Variants in ZNF528 observed in about 807,000 individuals in gnomAD.
The protein encoded by ZNF528 is zinc finger protein 528.
ZNF528 carries 9 observed loss-of-function variants against 13.3 expected under a neutral mutation model. The observed-to-expected ratio is 0.67, with a 90% confidence interval of 0.41 to 1.18. The LOEUF is 1.18. ZNF528 is among the 50% of genes most tolerant of loss of function. The probability of loss-of-function intolerance (pLI) is 0.01; values close to 1 mark genes in which losing one functional copy is unlikely to be tolerated. For synonymous variants in ZNF528, 264 were observed against 254.3 expected (o/e 1.04, Z -0.36); for missense variants, 858 against 745.4 (o/e 1.15, Z -1.76).
At chr19:52,405,824 G>T in intron 4 of ZNF528, 83 bp from the exon 5 acceptor site, 1 of 1,563,250 alleles carries the variant, frequency 6.4e-7, no homozygotes, top group East Asian at 2.4e-5. Context: ...AGTGGAGTCA[G>T]TCCTTAACGA....
At position 52,416,758 on chromosome 19, in the gene ZNF528, T is replaced by C; in HGVS notation, c.*19T>C. The C allele has an allele frequency of 6.4e-7, 1 of 1,571,568 alleles. No homozygotes were observed. Among genetic ancestry groups the C allele is most frequent in the Non-Finnish European group, 8.7e-7 (1 of 1,155,498 alleles). ...TTCATGAGAGTCCCTACAAACTGTA[T>C]GGCAAAACCATCATCATGAGTTCTA... is the stretch of plus-strand genomic sequence containing the variant. On this transcript the variant is annotated 3_prime_UTR_variant, in exon 7 of 7. Coordinates refer to ENST00000360465, the MANE Select transcript of ZNF528 (RefSeq NM_032423.3).
In ZNF528 at chr19:52,415,057, C is replaced by T. The variant is rs192479713; in HGVS notation, c.272-67C>T. Reference sequence around the variant, plus strand: ...TGAGTCAGGTGAGGCAGAATCTAGACCCTCTGTCAGACACTAAAGATGCCA... The same window carrying T: ...TGAGTCAGGTGAGGCAGAATCTAGATCCTCTGTCAGACACTAAAGATGCCA... On this transcript the variant is annotated intron_variant, in intron 6 of 6. Transcript: ENST00000360465. The T allele has an allele frequency of 1.3e-4, 209 of 1,606,370 alleles. 2 individuals are homozygous for T. In the African/African-American group the frequency reaches 2.4e-3, roughly 18 times the overall value.
rs1379050705 is a variant in ZNF528, at chr19:52,415,902, G to A, written c.1050G>A (p.Glu350=). 1 of 1,613,920 alleles carries A rather than the reference G, an allele frequency of 6.2e-7. No homozygotes were observed. The highest frequency in any genetic ancestry group is 1.3e-5 in the African/African-American group (1 of 74,908). The change falls in exon 7 of 7, where the codon GAG becomes GAA. Residue 350 remains glutamate (E), a synonymous_variant. Coordinates refer to ENST00000360465, the MANE Select transcript of ZNF528 (RefSeq NM_032423.3). The part of the protein sequence containing the change: ...LAEHQTVHTG[E]KPYKCEECGK... ...AACATCAAACGGTTCATACTGGTGAGAAACCTTACAAATGTGAAGAATGTG... is the reference window on the plus strand; with the variant it reads ...AACATCAAACGGTTCATACTGGTGAAAAACCTTACAAATGTGAAGAATGTG...
intron 5 of ZNF528, 38 bp from the exon 6 acceptor site, chr19:52,406,477 A>G (rs753206260): frequency 6.3e-7 from 1 of 1,599,120 alleles, no homozygotes; most frequent in Non-Finnish European, 8.5e-7. Flanking sequence ...GACTTGGGAG[A>G]TGCCACAGCA....
chr19:52,409,406 C>T (rs2058901615), intron 6 of ZNF528, among the ~76,000 whole-genome samples: 1 of 151,338 alleles, frequency 6.6e-6, no homozygotes, highest in South Asian at 2.1e-4. Context: ...CGGGTTTAAG[C>T]GATTCTCCTG....
chr19:52,406,611 A>G lies in ZNF528; in HGVS notation c.239A>G (p.Asp80Gly), dbSNP rs754923472. ...QSEEKIANDPDGRECIKGVNT... is the reference protein window; with the variant it reads ...QSEEKIANDPGGRECIKGVNT... Reference sequence around the variant, plus strand: ...GAAGAGAAAATAGCAAACGATCCAGACGGCAGGGAGTGCATCAAAGGTGTG... The same window carrying G: ...GAAGAGAAAATAGCAAACGATCCAGGCGGCAGGGAGTGCATCAAAGGTGTG... The change falls in exon 6 of 7, where the codon GAC becomes GGC. Residue 80 changes from aspartate (D) to glycine (G), a missense_variant. Transcript: ENST00000360465. 2 of 1,614,030 alleles carry G rather than the reference A, an allele frequency of 1.2e-6. No individual in the cohort carries two copies. Among genetic ancestry groups the G allele is most frequent in the Non-Finnish European group, 1.7e-6 (2 of 1,179,972 alleles).
In ZNF528 at chr19:52,407,509, C is replaced by T. The variant is rs145725508; in HGVS notation, c.271+866C>T. Among the ~76,000 whole-genome samples, 271 of 152,162 alleles carry T rather than the reference C, an allele frequency of 1.8e-3. 1 individual carries two copies. Among genetic ancestry groups the T allele is most frequent in the African/African-American group, 6.2e-3 (258 of 41,558 alleles). ...TTATTCTTTTGGCTGGGCACGGTGG[C>T]TCATCCCTGTAATCCCAGCACTTTG... On this transcript the variant is annotated intron_variant, in intron 6 of 6. Transcript: ENST00000360465.
intron 6 of ZNF528, among the ~76,000 whole-genome samples, chr19:52,407,116 T>G (rs1347794908): frequency 2.7e-5 from 4 of 150,332 alleles, no homozygotes; most frequent in African/African-American, 9.8e-5. Flanking sequence ...GGCTAATTTT[T>G]GGTATTTTAT....
At chr19:52,413,265 T>A (rs1289073275) in intron 6 of ZNF528, 1 of 152,218 alleles carries the variant, frequency 6.6e-6, no homozygotes, top group African/African-American at 2.4e-5. Flanking sequence ...TCCTCTGTAA[T>A]GTCTCCTTGA....
intron 6 of ZNF528, chr19:52,408,322 C>G (rs1233261150): frequency 6.6e-6 from 1 of 151,582 alleles, no homozygotes; most frequent in Non-Finnish European, 1.5e-5. Flanking sequence ...CCCATCCCCA[C>G]CCCTGGCTAA....
rs760495316 is a variant in ZNF528 at position 52,416,748 on chromosome 19, A to G, written c.*9A>G. 2 of 1,491,758 alleles carry G rather than the reference A, an allele frequency of 1.3e-6. No individual in the cohort carries two copies. Among genetic ancestry groups the G allele is most frequent in the Non-Finnish European group, 1.8e-6 (2 of 1,110,710 alleles). The allele number at this position is 1,491,758 out of a possible 1,614,324, so 92.4% of individuals were successfully genotyped here. ...AGAGAGTTCATTCATGAGAGTCCCTACAAACTGTATGGCAAAACCATCATC... is the reference window on the plus strand; with the variant it reads ...AGAGAGTTCATTCATGAGAGTCCCTGCAAACTGTATGGCAAAACCATCATC... On this transcript the variant is annotated 3_prime_UTR_variant, in exon 7 of 7. Transcript: ENST00000360465.
intron 6 of ZNF528, chr19:52,411,431 T>G (rs2058929746): frequency 6.6e-6 from 1 of 152,196 alleles, no homozygotes; most frequent in African/African-American, 2.4e-5. Flanking sequence ...TTGGTTTAAT[T>G]TGTGCATTAA....
At chr19:52,400,512 A>G (rs1174337327) in intron 2 of ZNF528, among the ~76,000 whole-genome samples, 1 of 151,868 alleles carries the variant, frequency 6.6e-6, no homozygotes, top group East Asian at 1.9e-4. Flanking sequence ...TTCTAAATCT[A>G]GTTATTTATT....
intron 6 of ZNF528, chr19:52,411,518 A>T (rs967407569): frequency 6.6e-6 from 1 of 152,138 alleles, no homozygotes; most frequent in African/African-American, 2.4e-5. Context: ...TTCAGGGGCT[A>T]ACTCACTTCT....
At chr19:52,406,872 T>C (rs2058863462) in intron 6 of ZNF528, 1 of 448,668 alleles carries the variant, frequency 2.2e-6, no homozygotes, top group Non-Finnish European at 3.7e-6. Flanking sequence ...GGAAACTCTC[T>C]GCAAATGGGA....
chr19:52,410,118 A>C (rs1054203830), intron 6 of ZNF528, among the ~76,000 whole-genome samples: 1 of 152,222 alleles, frequency 6.6e-6, no homozygotes, highest in Non-Finnish European at 1.5e-5. Context: ...GTTCTTTTAC[A>C]TAAGAACTGT....
chr19:52,409,016 G>A (rs1016038738), intron 6 of ZNF528, among the ~76,000 whole-genome samples: 1 of 152,024 alleles, frequency 6.6e-6, no homozygotes, highest in Non-Finnish European at 1.5e-5. Flanking sequence ...TCTAAAATTC[G>A]CCTTTATTTT....
chr19:52,414,520 G>T (rs1172765380), intron 6 of ZNF528: 2 of 563,950 alleles, frequency 3.5e-6, no homozygotes, highest in East Asian at 3.0e-5. Flanking sequence ...AGGTTTGCAA[G>T]ACTGCATTCT....
At chr19:52,411,627 T>C (rs2058932364) in intron 6 of ZNF528, 1 of 152,184 alleles carries the variant, frequency 6.6e-6, no homozygotes, top group Non-Finnish European at 1.5e-5. Flanking sequence ...TAAGCCATTC[T>C]AATGGTAAGG....
Sources: allele counts gnomAD v4.1 joint callset (sites outside exome capture counted in the v4.1 genomes callset), GRCh38; gene constraint gnomAD v4.1.1; transcripts MANE v1.5; gene names NCBI Gene and HGNC (gene_info 2026-07-23, HGNC 2026-07-21).